UGT2B4: variants seen among roughly 807,000 people sequenced by gnomAD.
The protein encoded by UGT2B4 is UDP-glucuronosyltransferase 2B4.
Under a neutral mutation model 49.8 loss-of-function variants are expected in UGT2B4, and 49 were observed. The ratio of observed to expected loss-of-function variants is 0.98; its 90% CI spans 0.78 to 1.25. UGT2B4 has a LOEUF of 1.25. UGT2B4 is among the 50% of genes most tolerant of loss of function. UGT2B4 has a pLI of 0.00. For missense variants in UGT2B4, 729 were observed against 627.7 expected, an observed-to-expected ratio of 1.16 and a Z score of -1.73; for synonymous variants, 246 against 217.7, an observed-to-expected ratio of 1.13 and a Z score of -1.14.
intron 2 of UGT2B4, among the ~76,000 whole-genome samples, chr4:69,489,870 CATATT>C (rs746798304): frequency 1.2e-4 from 18 of 152,038 alleles, no homozygotes; most frequent in Admixed American, 3.3e-4. Flanking sequence ...CTTCACTTAT[CATATT>C]ATAAGTACTA....
At chr4:69,509,532 A>C (rs963471311) in intron 1 of UGT2B4, among the ~76,000 whole-genome samples, 8 of 152,190 alleles carry the variant, frequency 5.3e-5, no homozygotes, top group African/African-American at 1.9e-4. Context: ...GTGCTAAAAA[A>C]TACATCCTAA....
chr4:69,508,027 G>A (rs1169800019), intron 1 of UGT2B4, among the ~76,000 whole-genome samples: 2 of 151,946 alleles, frequency 1.3e-5, no homozygotes, highest in Non-Finnish European at 2.9e-5. Context: ...ATTAAAAAGT[G>A]GGCAAAGGAT....
chr4:69,506,076 T>G (rs1312614806), intron 1 of UGT2B4, among the ~76,000 whole-genome samples: 6 of 151,826 alleles, frequency 4.0e-5, no homozygotes, highest in Admixed American at 3.3e-4. Flanking sequence ...ACCCAAGCAG[T>G]GTTAAGAGGA....
chr4:69,484,849 A>G (rs773060602), intron 5 of UGT2B4, among the ~76,000 whole-genome samples: 4 of 152,216 alleles, frequency 2.6e-5, no homozygotes, highest in Non-Finnish European at 4.4e-5. Flanking sequence ...GAAAACAGAT[A>G]TACTTTGAGA....
chr4:69,515,421 A>G (rs1197928558), intron 1 of UGT2B4, among the ~76,000 whole-genome samples: 1 of 152,190 alleles, frequency 6.6e-6, no homozygotes, highest in Non-Finnish European at 1.5e-5. Context: ...CTTTTTGGCA[A>G]AGAATAAAAT....
At chr4:69,490,568 C>T (rs1727953462) in intron 2 of UGT2B4, among the ~76,000 whole-genome samples, 1 of 152,018 alleles carries the variant, frequency 6.6e-6, no homozygotes, top group Non-Finnish European at 1.5e-5. Flanking sequence ...CCTGTGTTCC[C>T]CAATGTACGC....
At chr4:69,520,099 A>G (rs548085532) in intron 1 of UGT2B4, among the ~76,000 whole-genome samples, 29 of 152,240 alleles carry the variant, frequency 1.9e-4, no homozygotes, top group Non-Finnish European at 3.8e-4. Context: ...CATGTAAAAT[A>G]TTAAATTAGA....
rs766765177 is a variant in UGT2B4, at chr4:69,486,870, A to G, written c.1003-174T>C. On this transcript the variant is annotated intron_variant, in intron 3 of 5. Transcript: ENST00000305107. Reference sequence around the variant, plus strand: ...CATTTCCTTAATTTCATAATTAGGTATATAAGGAAATCATGATTTTTCAAA... The same window carrying G: ...CATTTCCTTAATTTCATAATTAGGTGTATAAGGAAATCATGATTTTTCAAA... 2.8e-4 allele frequency among the ~76,000 whole-genome samples: 43 copies of G among 152,344 alleles called. No homozygotes were observed. The Middle Eastern group carries it at 0.01, about 36-fold the overall frequency.
rs772793587 is a variant in UGT2B4 at position 69,495,294 on chromosome 4, G to A, written c.568C>T (p.Pro190Ser). 10 of 1,613,264 alleles carry A rather than the reference G, an allele frequency of 6.2e-6. No individual in the cohort carries two copies. Among genetic ancestry groups the A allele is most frequent in the Admixed American group, 3.3e-5 (2 of 59,830 alleles). Reference protein sequence around the residue: ...IEKHSGGLLFPPSYVPVVMSE... With the variant: ...IEKHSGGLLFSPSYVPVVMSE... ...ATAACAACAGGCACATAGGAAGGAG[G>A]GAACAGAAGTCCTCCACTATGCTTT... Residue 190 changes from proline to serine, a missense_variant, in exon 1 of 6, where the codon CCT (proline) becomes TCT (serine). Transcript: ENST00000305107.
chr4:69,495,611 G>A lies in UGT2B4; in HGVS notation c.251C>T (p.Thr84Ile). The A allele has an allele frequency of 6.2e-7, 1 of 1,613,948 alleles. No individual in the cohort carries two copies. The highest frequency in any genetic ancestry group is 8.5e-7 in the Non-Finnish European group (1 of 1,179,988). The change falls in exon 1 of 6, where the codon ACT becomes ATT. Residue 84 changes from threonine to isoleucine, a missense_variant. Thr to Ile is a moderately conservative substitution (Grantham distance 89). Transcript: ENST00000305107. ...FEVYPVSLTK[T>I]EFEDIIKQLV... Reference sequence around the variant, plus strand: ...CTGCTTGATAATATCCTCAAACTCAGTTTTAGTTAAAGATACAGGATAAAC... The same window carrying A: ...CTGCTTGATAATATCCTCAAACTCAATTTTAGTTAAAGATACAGGATAAAC...
intron 2 of UGT2B4, among the ~76,000 whole-genome samples, chr4:69,492,396 G>A (rs748606977): frequency 6.6e-6 from 1 of 151,990 alleles, no homozygotes; most frequent in Non-Finnish European, 1.5e-5. Context: ...CATTTATATC[G>A]GTAAGGGATT....
intron 1 of UGT2B4, among the ~76,000 whole-genome samples, chr4:69,506,996 C>A (rs1462738450): frequency 6.6e-6 from 1 of 152,114 alleles, no homozygotes. Flanking sequence ...TCAATAGATG[C>A]AGAAGAGGCC....
intron 3 of UGT2B4, among the ~76,000 whole-genome samples, chr4:69,488,399 A>G (rs1319416861): frequency 6.9e-6 from 1 of 144,908 alleles, no homozygotes. Context: ...GAATCCTTAT[A>G]AATTAAAAAA....
At chr4:69,486,999 A>T (rs925506883) in intron 3 of UGT2B4, among the ~76,000 whole-genome samples, 2 of 152,210 alleles carry the variant, frequency 1.3e-5, no homozygotes, top group Admixed American at 6.5e-5. Flanking sequence ...CTATATGAAA[A>T]AAAGGTTTAC....
intron 4 of UGT2B4, 115 bp downstream of exon 4, chr4:69,486,494 A>T (rs1374485013): frequency 1.5e-6 from 1 of 678,864 alleles, no homozygotes; most frequent in East Asian, 3.4e-5. Flanking sequence ...AAGAAGTTTC[A>T]TTTTATTTTT....
At chr4:69,511,624 A>G (rs1484715658) in intron 1 of UGT2B4, among the ~76,000 whole-genome samples, 2 of 151,874 alleles carry the variant, frequency 1.3e-5, no homozygotes, top group African/African-American at 2.4e-5. Flanking sequence ...TCTTCTTCTC[A>G]TTATTCTATT....
Position 69,495,437 on chromosome 4 carries a change from T to C in UGT2B4, c.425A>G (p.Glu142Gly), listed in dbSNP as rs756690166. The stretch of plus-strand genomic sequence containing the variant: ...TGCAAGAACAACATCAAATCTTGAC[T>C]CCTGTAGTTTCTTCATAAGTTTCTT... ...SNKKLMKKLQ[E>G]SRFDVVLADA... Residue 142 changes from glutamate to glycine, a missense_variant, in exon 1 of 6, where the codon GAG becomes GGG. Coordinates refer to ENST00000305107, the MANE Select transcript of UGT2B4 (RefSeq NM_021139.3). 10 of 1,613,770 alleles carry C rather than the reference T, an allele frequency of 6.2e-6. No individual in the cohort carries two copies. The highest frequency in any genetic ancestry group is 8.5e-6 in the Non-Finnish European group (10 of 1,179,890).
At chr4:69,500,515 GGAAA>G (rs375185779), upstream of UGT2B4, among the ~76,000 whole-genome samples, 630 of 95,432 alleles carry the variant, frequency 6.6e-3, 7 homozygotes, top group African/African-American at 0.013. Flanking sequence ...AAGGAAGGAA[GGAAA>G]GAAAGAAAGA....
Position 69,490,551 on chromosome 4 carries a change from A to G in UGT2B4, c.871-981T>C, listed in dbSNP as rs143370450. On this transcript the variant is annotated intron_variant, in intron 2 of 5. Coordinates refer to ENST00000305107, the MANE Select transcript of UGT2B4 (RefSeq NM_021139.3). ...ACTTGGCTGGAATTTACTGGGAATC[A>G]TTCTGACCTGTGTTCCCCAATGTAC... 2.1e-3 allele frequency among the ~76,000 whole-genome samples: 323 copies of G among 152,308 alleles called. 5 individuals are homozygous for G. Among genetic ancestry groups the G allele is most frequent in the African/African-American group, 7.3e-3 (302 of 41,586 alleles).
Sources: allele counts gnomAD v4.1 joint callset (sites outside exome capture counted in the v4.1 genomes callset), GRCh38; gene constraint gnomAD v4.1.1; transcripts MANE v1.5; gene names NCBI Gene and HGNC (gene_info 2026-07-23, HGNC 2026-07-21).